The following DCC variants were observed in gnomAD, a reference collection of about 807,000 sequenced individuals.
DCC encodes the protein netrin receptor DCC.
Under a neutral mutation model 172.5 loss-of-function variants are expected in DCC, and 58 were observed. The observed-to-expected ratio is 0.34, with a 90% CI of 0.27 to 0.42. The LOEUF is 0.42. DCC is among the 10% of genes least tolerant of loss of function. DCC has a pLI of 1.00. For synonymous variants in DCC, 709 were observed against 644.5 expected, an observed-to-expected ratio of 1.10 and a Z score of -1.52; for missense variants, 1,740 against 1,791.0, an observed-to-expected ratio of 0.97 and a Z score of 0.51.
intron 2 of DCC, among the ~76,000 whole-genome samples, chr18:52,858,030 C>T (rs1356300006): frequency 6.6e-6 from 1 of 152,194 alleles, no homozygotes; most frequent in Non-Finnish European, 1.5e-5. Flanking sequence ...CAAATATGTT[C>T]ATTGCTGGAA....
chr18:52,382,136 C>T (rs946076230), intron 1 of DCC, among the ~76,000 whole-genome samples: 1 of 152,056 alleles, frequency 6.6e-6, no homozygotes, highest in Non-Finnish European at 1.5e-5. Flanking sequence ...GCTAAGTGGA[C>T]TTTCATATGT....
In DCC at chr18:52,404,630, A is replaced by G. The variant is rs554191096; in HGVS notation, c.91+63752A>G. Among the ~76,000 whole-genome samples, 6 of 152,046 alleles carry G rather than the reference A, an allele frequency of 3.9e-5. No individual in the cohort carries two copies. In the East Asian group the frequency reaches 1.2e-3, roughly 29 times the overall value. On this transcript the variant is annotated intron_variant, in intron 1 of 28. Transcript: ENST00000442544. ...GGCAGATTTCTACTTTGCAGCCCGA[A>G]GTTAAGAATGGAGTTTTCTTTTTTG... is the stretch of plus-strand genomic sequence containing the variant.
chr18:53,000,202 T>C (rs1428051155), intron 5 of DCC, among the ~76,000 whole-genome samples: 2 of 152,082 alleles, frequency 1.3e-5, no homozygotes, highest in South Asian at 2.1e-4. Flanking sequence ...TGGAAACTAA[T>C]AGAATACCTG....
At chr18:52,679,445 T>C (rs956118916) in intron 1 of DCC, among the ~76,000 whole-genome samples, 2 of 152,134 alleles carry the variant, frequency 1.3e-5, no homozygotes, top group African/African-American at 4.8e-5. Flanking sequence ...CATTTTATCC[T>C]ATCTATTGTT....
At chr18:53,165,370 A>G (rs1424345534) in intron 8 of DCC, among the ~76,000 whole-genome samples, 1 of 152,190 alleles carries the variant, frequency 6.6e-6, no homozygotes, top group Non-Finnish European at 1.5e-5. Context: ...TTTAGAATTC[A>G]TGGTATATTA....
At chr18:53,426,423 T>TTTTATGA (rs1356438135) in intron 21 of DCC, among the ~76,000 whole-genome samples, 2 of 111,646 alleles carry the variant, frequency 1.8e-5, no homozygotes, top group African/African-American at 2.7e-5. Flanking sequence ...TGATATATAT[T>TTTTATGA]TATATATTTA....
At position 53,067,485 on chromosome 18, in the gene DCC, G is replaced by T. The variant is rs965165910; in HGVS notation, c.1261+1319G>T. Reference sequence around the variant, plus strand: ...TGCAGTGAGCTATGATCACACTACTGCACTACAACCTGGGCAACAGAGCAA... The same window carrying T: ...TGCAGTGAGCTATGATCACACTACTTCACTACAACCTGGGCAACAGAGCAA... On this transcript the variant is annotated intron_variant, in intron 7 of 28. Transcript: ENST00000442544. 2.6e-5 allele frequency among the ~76,000 whole-genome samples: 4 copies of T among 152,082 alleles called. No homozygotes were observed. In the East Asian group the frequency reaches 7.7e-4, roughly 29 times the overall value.
intron 1 of DCC, among the ~76,000 whole-genome samples, chr18:52,697,733 A>G (rs2036037696): frequency 6.6e-6 from 1 of 152,204 alleles, no homozygotes; most frequent in African/African-American, 2.4e-5. Flanking sequence ...GAGAAATTGT[A>G]AATGCCATAC....
intron 13 of DCC, among the ~76,000 whole-genome samples, chr18:53,318,373 C>T (rs917041772): frequency 3.3e-5 from 5 of 152,050 alleles, no homozygotes; most frequent in African/African-American, 4.8e-5. Flanking sequence ...CATTCTTTTG[C>T]CTTTCCTGAG....
intron 1 of DCC, among the ~76,000 whole-genome samples, chr18:52,604,428 A>G (rs2034088763): frequency 6.6e-6 from 1 of 152,148 alleles, no homozygotes; most frequent in African/African-American, 2.4e-5. Context: ...CCCTCCCAGT[A>G]ATAAGTCTGA....
chr18:52,635,872 G>C (rs895981822), intron 1 of DCC, among the ~76,000 whole-genome samples: 7 of 152,168 alleles, frequency 4.6e-5, no homozygotes, highest in African/African-American at 1.4e-4. Flanking sequence ...TGCACCTCTA[G>C]ACAGAGCAGC....
intron 2 of DCC, among the ~76,000 whole-genome samples, chr18:52,836,658 A>T (rs185173358): frequency 1.6e-3 from 238 of 152,354 alleles, no homozygotes; most frequent in Middle Eastern, 3.4e-3. Context: ...GGCCTTGGGC[A>T]GCTCTACTGC....
At chr18:53,117,464 A>C (rs1166341523) in intron 7 of DCC, among the ~76,000 whole-genome samples, 2 of 151,542 alleles carry the variant, frequency 1.3e-5, no homozygotes, top group Non-Finnish European at 3.0e-5. Flanking sequence ...CCAAACTTTT[A>C]TTTGCTTCCA....
chr18:52,976,379 T>C (rs1388004392), intron 5 of DCC, among the ~76,000 whole-genome samples: 5 of 152,196 alleles, frequency 3.3e-5, no homozygotes, highest in Non-Finnish European at 7.3e-5. Flanking sequence ...ATTTTTGCTT[T>C]TGTTGCAATT....
rs140069954 is a variant in DCC at position 52,663,853 on chromosome 18, A to G, written c.92-88201A>G. On this transcript the variant is annotated intron_variant, in intron 1 of 28. Coordinates refer to ENST00000442544, the MANE Select transcript of DCC (RefSeq NM_005215.4). ...TTGAGAGTGGTCACTCCTAAAAGCA[A>G]TAATTTTATCTAAGTAGAGCTGTGT... is the stretch of plus-strand genomic sequence containing the variant. 4.1e-3 allele frequency among the ~76,000 whole-genome samples: 629 copies of G among 152,228 alleles called. 5 individuals carry two copies. The highest frequency in any genetic ancestry group is 8.5e-3 in the South Asian group (41 of 4,818).
intron 14 of DCC, among the ~76,000 whole-genome samples, chr18:53,329,122 T>G (rs7240629): frequency 6.6e-6 from 1 of 151,986 alleles, no homozygotes; most frequent in East Asian, 1.9e-4. Flanking sequence ...GGCAGTTTTT[T>G]AAAAAAATAT....
chr18:52,398,477 C>A (rs1239622428), intron 1 of DCC, among the ~76,000 whole-genome samples: 1 of 151,862 alleles, frequency 6.6e-6, no homozygotes, highest in Non-Finnish European at 1.5e-5. Context: ...ACTTTTTATG[C>A]GTATAAACTT....
chr18:52,485,379 T>C (rs1044649630), intron 1 of DCC, among the ~76,000 whole-genome samples: 3 of 152,152 alleles, frequency 2.0e-5, no homozygotes, highest in Admixed American at 6.6e-5. Flanking sequence ...AGATCAGTTA[T>C]CCATCATCGC....
chr18:53,530,476 T>C lies in DCC; in HGVS notation c.4255-88T>C, dbSNP rs759973461. On this transcript the variant is annotated intron_variant, in intron 28 of 28. Coordinates refer to ENST00000442544, the MANE Select transcript of DCC (RefSeq NM_005215.4). ...CTCCTAGGTCAGACTTGGGAATACG[T>C]AGCACCCCAACTAGCTGTGGCCCCG... 4.8e-5 allele frequency: 39 copies of C among 809,504 alleles called. 1 individual carries two copies. Among genetic ancestry groups the C allele is most frequent in the Admixed American group, 2.1e-4 (12 of 58,472 alleles). The allele number at this position is 809,504 out of a possible 1,614,324, so 50.1% of individuals were successfully genotyped here.
Sources: gnomAD v4.1 joint callset for allele counts (sites outside exome capture counted in the v4.1 genomes callset) on GRCh38, gnomAD v4.1.1 for gene constraint, MANE v1.5 for transcripts, NCBI Gene and HGNC (gene_info 2026-07-23, HGNC 2026-07-21) for gene names.